Variants in SIPA1L3 observed in about 807,000 individuals in gnomAD.
The protein encoded by SIPA1L3 is signal-induced proliferation-associated 1-like protein 3.
SIPA1L3 carries 59 observed loss-of-function variants against 150.1 expected under a neutral mutation model. The ratio of observed to expected loss-of-function variants is 0.39; its 90% CI spans 0.32 to 0.49. SIPA1L3 has a LOEUF of 0.49. SIPA1L3 is among the 20% of genes least tolerant of loss of function. SIPA1L3 has a pLI of 0.86. For synonymous variants in SIPA1L3, 1,070 were observed against 1,077.6 expected, an observed-to-expected ratio of 0.99 and a Z score of 0.14; for missense variants, 2,211 against 2,489.5, an observed-to-expected ratio of 0.89 and a Z score of 2.38.
chr19:38,121,107 C>T (rs1007335337), intron 9 of SIPA1L3, among the ~76,000 whole-genome samples: 6 of 151,736 alleles, frequency 4.0e-5, no homozygotes, highest in Admixed American at 1.3e-4. Context: ...TTTGGGAGGC[C>T]GAGGAGAAAG....
At chr19:38,197,817 C>T (rs8111653) in intron 18 of SIPA1L3, among the ~76,000 whole-genome samples, 33,436 of 151,376 alleles carry the variant, frequency 0.22, 3,926 homozygotes, top group East Asian at 0.35. Flanking sequence ...CCAGCATCAC[C>T]GTCTCCATTG....
intron 4 of SIPA1L3, among the ~76,000 whole-genome samples, chr19:38,095,186 C>T (rs996596147): frequency 6.6e-6 from 1 of 152,242 alleles, no homozygotes; most frequent in Non-Finnish European, 1.5e-5. Context: ...GGTTAACACA[C>T]ATTGAGCTCT....
chr19:38,135,618 G>A (rs1285854704), intron 10 of SIPA1L3, among the ~76,000 whole-genome samples: 1 of 152,202 alleles, frequency 6.6e-6, no homozygotes, highest in Non-Finnish European at 1.5e-5. Flanking sequence ...CAGCTTTGGG[G>A]AGACAGGGCC....
Position 38,164,684 on chromosome 19 carries a change from C to T in SIPA1L3, c.3986C>T (p.Pro1329Leu), listed in dbSNP as rs1285589526. The T allele has an allele frequency of 1.2e-6, 2 of 1,613,824 alleles. No homozygotes were observed. The highest frequency in any genetic ancestry group is 4.5e-5 in the East Asian group (2 of 44,876). ...SPSCMSLAKAPRPAKPHKPPG... is the reference protein window; with the variant it reads ...SPSCMSLAKALRPAKPHKPPG... ...AGCTGCATGTCCCTGGCCAAGGCTC[C>T]ACGGCCCGCCAAGCCACACAAGCCC... Residue 1329 changes from proline to leucine, a missense_variant, in exon 15 of 22, where the codon CCA becomes CTA. Pro to Leu is a moderately conservative substitution (Grantham distance 98, BLOSUM62 -3). Around this residue, in one of 5 missense-constraint regions of SIPA1L3, gnomAD observed 806 missense variants for 870.1 expected, o/e 0.93. Transcript: ENST00000222345. The surrounding 1 kb of genome is among the most constrained non-coding windows in gnomAD (Gnocchi z 4.1).
chr19:38,116,541 AGAAAG>A (rs1016301350), intron 8 of SIPA1L3, among the ~76,000 whole-genome samples: 1 of 143,734 alleles, frequency 7.0e-6, no homozygotes, highest in African/African-American at 2.6e-5. Context: ...AAAAAAAAAA[AGAAAG>A]AAAGAAAAGA....
chr19:38,057,454 G>C (rs59710626), intron 2 of SIPA1L3, among the ~76,000 whole-genome samples: 2 of 151,410 alleles, frequency 1.3e-5, no homozygotes, highest in African/African-American at 4.9e-5. Flanking sequence ...TTTTTTTCTG[G>C]GAATGCATCT....
intron 2 of SIPA1L3, among the ~76,000 whole-genome samples, chr19:38,060,951 C>A (rs61672299): frequency 6.6e-6 from 1 of 152,160 alleles, no homozygotes; most frequent in Non-Finnish European, 1.5e-5. Context: ...CTCAGCCTCC[C>A]AGAGTGCTGG....
chr19:38,000,877 T>TATA (rs1555775616), intron 1 of SIPA1L3, among the ~76,000 whole-genome samples: 1 of 143,618 alleles, frequency 7.0e-6, no homozygotes, highest in African/African-American at 2.6e-5. Context: ...TCCAAGTTTT[T>TATA]TATATATATA....
intron 4 of SIPA1L3, among the ~76,000 whole-genome samples, chr19:38,098,637 C>G (rs111351340): frequency 3.3e-5 from 5 of 152,054 alleles, no homozygotes; most frequent in Non-Finnish European, 7.4e-5. Context: ...TCAAGTGGTC[C>G]GCCCGCCTCG....
rs187162403 is a variant in SIPA1L3, at chr19:38,009,191, T to C, written c.-378-19898T>C. On this transcript the variant is annotated intron_variant, in intron 1 of 21. Coordinates refer to ENST00000222345, the MANE Select transcript of SIPA1L3 (RefSeq NM_015073.3). Reference sequence around the variant, plus strand: ...CTGGGATTACAGGTGCCTGCCACCATGCCCGGCTAATAGAGACGGGGTTTC... The same window carrying C: ...CTGGGATTACAGGTGCCTGCCACCACGCCCGGCTAATAGAGACGGGGTTTC... Among the ~76,000 whole-genome samples the C allele has an allele frequency of 9.7e-4, 147 of 152,150 alleles. 2 individuals are homozygous for C. In the East Asian group the frequency reaches 0.019, roughly 20 times the overall value.
intron 10 of SIPA1L3, among the ~76,000 whole-genome samples, chr19:38,135,849 A>G (rs1474698827): frequency 6.6e-6 from 1 of 151,936 alleles, no homozygotes; most frequent in African/African-American, 2.4e-5. Context: ...GGCTTTCTCC[A>G]GCCTGTTGAT....
At chr19:38,201,655 G>A (rs896007201) in intron 19 of SIPA1L3, among the ~76,000 whole-genome samples, 7 of 152,194 alleles carry the variant, frequency 4.6e-5, no homozygotes, top group Non-Finnish European at 7.3e-5. Flanking sequence ...AGCCTCGATC[G>A]GAATCAGGAT....
At chr19:37,934,631 T>G (rs2046584166) in intron 1 of SIPA1L3, among the ~76,000 whole-genome samples, 1 of 152,174 alleles carries the variant, frequency 6.6e-6, no homozygotes, top group African/African-American at 2.4e-5. Flanking sequence ...AAGCCCCTTT[T>G]TAATATTTTC....
intron 2 of SIPA1L3, among the ~76,000 whole-genome samples, chr19:38,061,904 A>G (rs1231005072): frequency 6.6e-6 from 1 of 150,634 alleles, no homozygotes; most frequent in Non-Finnish European, 1.5e-5. Flanking sequence ...ATGGATTCAG[A>G]AAATACTAGT....
chr19:38,180,696 AC>A (rs1326152215), intron 15 of SIPA1L3, among the ~76,000 whole-genome samples: 1 of 151,790 alleles, frequency 6.6e-6, no homozygotes, highest in Non-Finnish European at 1.5e-5. Context: ...TGGATGCGCC[AC>A]CACACCTGGC....
Position 38,081,797 on chromosome 19 carries a change from G to T in SIPA1L3, c.232G>T (p.Gly78Cys). 1.9e-6 allele frequency: 3 copies of T among 1,612,872 alleles called. No homozygotes were observed. Among genetic ancestry groups the T allele is most frequent in the Non-Finnish European group, 2.5e-6 (3 of 1,179,708 alleles). ...CACCACTCCCGCAATGCCCAAGATG[G>T]GCGTGCGCGCAAGGGTGGCCGACTG... ...SPTTPAMPKM[G>C]VRARVADWPP... The change falls in exon 3 of 22, where the codon GGC becomes TGC. Residue 78 changes from glycine to cysteine, a missense_variant. Physicochemically the swap from Gly to Cys is radical, Grantham distance 159 (BLOSUM62 -3). Transcript: ENST00000222345.
rs1453763628 is a variant in SIPA1L3, at chr19:38,164,796, C to G, written c.4098C>G (p.Ala1366=). The change falls in exon 15 of 22, where the codon GCC becomes GCG. Residue 1366 remains alanine, a synonymous_variant. Coordinates refer to ENST00000222345, the MANE Select transcript of SIPA1L3 (RefSeq NM_015073.3). The surrounding 1 kb of genome is among the most constrained non-coding windows in gnomAD (Gnocchi z 4.1). ...ACAGGCGGCGGGAGGTCTCCCCTGC[C>G]CCCGCAGTTGCCGGCCAAAGCAAGG... ...HADRRREVSP[A]PAVAGQSKGY... The G allele has an allele frequency of 2.5e-6, 4 of 1,611,654 alleles. No individual in the cohort carries two copies. Among genetic ancestry groups the G allele is most frequent in the Non-Finnish European group, 8.5e-7 (1 of 1,179,004 alleles).
intron 1 of SIPA1L3, among the ~76,000 whole-genome samples, chr19:37,977,699 C>T (rs1391744365): frequency 1.3e-5 from 2 of 152,108 alleles, no homozygotes; most frequent in African/African-American, 4.8e-5. Flanking sequence ...TCCAGAGCGC[C>T]CGTGTCCTCC....
At chr19:38,167,848 A>G (rs1271010808) in intron 15 of SIPA1L3, among the ~76,000 whole-genome samples, 1 of 152,158 alleles carries the variant, frequency 6.6e-6, no homozygotes, top group African/African-American at 2.4e-5. Flanking sequence ...TACAGGCATG[A>G]GCTACCACAC....
Sources: allele counts gnomAD v4.1 joint callset (sites outside exome capture counted in the v4.1 genomes callset), GRCh38; gene constraint gnomAD v4.1.1; regional missense constraint gnomAD v4.1.1; non-coding constraint Gnocchi (gnomAD v3.1); transcripts MANE v1.5; gene names NCBI Gene and HGNC (gene_info 2026-07-23, HGNC 2026-07-21).